PTRH1: variants seen among roughly 807,000 people sequenced by gnomAD.
PTRH1 encodes peptidyl-tRNA hydrolase.
A neutral mutation model predicts 15.7 loss-of-function variants in PTRH1; 13 were observed. That is an observed-to-expected ratio of 0.83 (90% CI 0.54 to 1.31). PTRH1 has a LOEUF of 1.31. PTRH1 is among the 40% of genes most tolerant of loss of function. The pLI is 0.00. For synonymous variants in PTRH1, 139 were observed against 136.7 expected (o/e 1.02, Z -0.12); for missense variants, 319 against 296.2 (o/e 1.08, Z -0.56).
intron 1 of PTRH1, among the ~76,000 whole-genome samples, chr9:127,708,368 T>C (rs545487622): frequency 2.6e-5 from 4 of 152,134 alleles, no homozygotes; most frequent in South Asian, 2.1e-4. Context: ...TCCCAGCTAC[T>C]CAGGAGGCTG....
Position 127,713,866 on chromosome 9 carries a change from A to G in PTRH1, c.*234T>C. 1.2e-6 allele frequency: 2 copies of G among 1,613,984 alleles called. No homozygotes were observed. The highest frequency in any genetic ancestry group is 8.5e-7 in the Non-Finnish European group (1 of 1,180,028). On this transcript the variant is annotated 3_prime_UTR_variant, in exon 5 of 5. Transcript: ENST00000543175. ...CCCCTGGTTCTCTAAAAAGGCTTGA[A>G]AAGTTTAGTCTTCCTGAAGTTCCCC...
At chr9:127,707,511 G>A (rs755392455) in intron 1 of PTRH1, among the ~76,000 whole-genome samples, 2 of 152,100 alleles carry the variant, frequency 1.3e-5, no homozygotes, top group African/African-American at 4.8e-5. Context: ...TTTATGAAAG[G>A]GTGGAAACAG....
chr9:127,710,052 T>C (rs563958502), downstream of PTRH1, among the ~76,000 whole-genome samples: 9 of 152,264 alleles, frequency 5.9e-5, no homozygotes, highest in East Asian at 1.7e-3. Flanking sequence ...GCGGGAGGAT[T>C]GCTTGAGCCC....
chr9:127,715,123 C>T lies in PTRH1; in HGVS notation c.168G>A (p.Leu56=). Residue 56 remains leucine (L), a synonymous_variant, in exon 2 of 5, where the codon CTG becomes CTA. Coordinates refer to ENST00000543175, the MANE Select transcript of PTRH1 (RefSeq NM_001002913.3). This position sits in a 1 kb window ranked among gnomAD's most constrained non-coding sequence, Gnocchi z 5.8. ...HSVGMAVLGQ[L]ARRLGVAESW... is the part of the protein sequence containing the mutation. ...TCTCCGCCACACCCAGCCGCCGCGC[C>T]AGCTGCCCCAGCACCGCCATGCCCA... The T allele has an allele frequency of 6.5e-7, 1 of 1,535,558 alleles. No individual in the cohort carries two copies. The highest frequency in any genetic ancestry group is 8.7e-7 in the Non-Finnish European group (1 of 1,146,598).
chr9:127,707,436 C>T (rs910569163), intron 1 of PTRH1, among the ~76,000 whole-genome samples: 11 of 152,170 alleles, frequency 7.2e-5, no homozygotes, highest in Admixed American at 3.9e-4. Flanking sequence ...GATGCTAGCT[C>T]GTGGCCCCAC....
chr9:127,712,105 T>A, downstream of PTRH1: 1 of 1,539,988 alleles, frequency 6.5e-7, no homozygotes, highest in Non-Finnish European at 8.8e-7. Context: ...GGGGCCCCTG[T>A]GGGCTTGGAG....
At chr9:127,698,937 C>T (rs1564362025) in intron 1 of PTRH1, among the ~76,000 whole-genome samples, 1 of 144,966 alleles carries the variant, frequency 6.9e-6, no homozygotes, top group Non-Finnish European at 1.5e-5. Flanking sequence ...GAGACGGAGT[C>T]TCGCCCAGGC....
downstream of PTRH1, chr9:127,712,866 C>G (rs1181891892): frequency 6.2e-7 from 1 of 1,611,028 alleles, no homozygotes; most frequent in Non-Finnish European, 8.5e-7. Context: ...CATGGCCCAC[C>G]CAAGGAGAGG....
rs1645181849 is a variant in PTRH1 at position 127,713,881 on chromosome 9, T to C, written c.*219A>G. On this transcript the variant is annotated 3_prime_UTR_variant, in exon 5 of 5. Transcript: ENST00000543175. The stretch of plus-strand genomic sequence containing the variant: ...AAAGGCTTGAAAAGTTTAGTCTTCC[T>C]GAAGTTCCCCTACGTCCCAAGTAGG... 6 of 1,613,988 alleles carry C rather than the reference T, an allele frequency of 3.7e-6. No homozygotes were observed. Among genetic ancestry groups the C allele is most frequent in the Non-Finnish European group, 4.2e-6 (5 of 1,180,000 alleles).
rs1381246669 is a variant in PTRH1 at position 127,713,972 on chromosome 9, G to A, written c.*128C>T. On this transcript the variant is annotated 3_prime_UTR_variant, in exon 5 of 5. Coordinates refer to ENST00000543175, the MANE Select transcript of PTRH1 (RefSeq NM_001002913.3). Reference sequence around the variant, plus strand: ...GTCACAGTCACCCCCACTTTAATCCGCAGGCAGCCTGGAACAGTCTAGAGG... The same window carrying A: ...GTCACAGTCACCCCCACTTTAATCCACAGGCAGCCTGGAACAGTCTAGAGG... 5 of 1,577,862 alleles carry A rather than the reference G, an allele frequency of 3.2e-6. No homozygotes were observed. The highest frequency in any genetic ancestry group is 2.7e-5 in the African/African-American group (2 of 74,084).
At chr9:127,711,681 C>T, downstream of PTRH1, 1 of 1,173,606 alleles carries the variant, frequency 8.5e-7, no homozygotes, top group Non-Finnish European at 1.2e-6. Flanking sequence ...TATTTAAAGC[C>T]CCCATAACTT....
At chr9:127,712,901 C>A (rs1415089030), downstream of PTRH1, 3 of 1,597,534 alleles carry the variant, frequency 1.9e-6, no homozygotes, top group Non-Finnish European at 2.6e-6. Flanking sequence ...TGTGTGGCCT[C>A]AGAGGCAGCC....
At chr9:127,707,138 A>G in intron 1 of PTRH1, 1 of 1,613,764 alleles carries the variant, frequency 6.2e-7, no homozygotes, top group Non-Finnish European at 8.5e-7. Context: ...CTGGCCAAGG[A>G]GATGAAGGAG....
At position 127,715,289 on chromosome 9, in the gene PTRH1, C is replaced by G; in HGVS notation, c.97-95G>C. ...GCCCCAACGCAGAGGAGCGGAAACG[C>G]AGAGCAACGCTGCAGTGGGGAAGGG... is the stretch of plus-strand genomic sequence containing the variant. On this transcript the variant is annotated intron_variant, in intron 1 of 4. Transcript: ENST00000543175. The surrounding 1 kb of genome is among the most constrained non-coding windows in gnomAD (Gnocchi z 5.8). The G allele has an allele frequency of 7.2e-7, 1 of 1,393,088 alleles. No individual in the cohort carries two copies. Among genetic ancestry groups the G allele is most frequent in the Non-Finnish European group, 9.8e-7 (1 of 1,016,474 alleles). The allele number at this position is 1,393,088 out of a possible 1,614,324, so 86.3% of individuals were successfully genotyped here.
downstream of PTRH1, among the ~76,000 whole-genome samples, chr9:127,708,844 A>G (rs989522231): frequency 3.0e-4 from 45 of 152,220 alleles, no homozygotes; most frequent in African/African-American, 9.7e-4. Context: ...TACTGGATGG[A>G]AAAAGGTAAG....
chr9:127,707,298 TC>T, intron 1 of PTRH1: 2 of 1,221,926 alleles, frequency 1.6e-6, no homozygotes, highest in African/African-American at 1.5e-5. Flanking sequence ...TGTTCTGACC[TC>T]CCCTGGGATG....
intron 1 of PTRH1, among the ~76,000 whole-genome samples, chr9:127,699,003 C>T (rs988859291): frequency 2.7e-5 from 4 of 150,920 alleles, no homozygotes; most frequent in Non-Finnish European, 5.9e-5. Flanking sequence ...CGGGTTCAAG[C>T]GATCCTCCCT....
At chr9:127,711,723 C>A, downstream of PTRH1, 1 of 1,387,446 alleles carries the variant, frequency 7.2e-7, no homozygotes, top group Non-Finnish European at 9.8e-7. Flanking sequence ...GGAGAGCTCA[C>A]TGGCCGCTCT....
chr9:127,711,837 TAAG>T (rs1244196089), downstream of PTRH1: 1 of 1,570,844 alleles, frequency 6.4e-7, no homozygotes, highest in Non-Finnish European at 8.6e-7. Flanking sequence ...TCATGCTGAC[TAAG>T]AAGTGCCAGG....
Sources: allele counts gnomAD v4.1 joint callset (sites outside exome capture counted in the v4.1 genomes callset), GRCh38; gene constraint gnomAD v4.1.1; non-coding constraint Gnocchi (gnomAD v3.1); transcripts MANE v1.5; gene names NCBI Gene and HGNC (gene_info 2026-07-23, HGNC 2026-07-21).